DNAI1: variants seen among roughly 807,000 people sequenced by gnomAD.
DNAI1 encodes the protein dynein axonemal intermediate chain 1.
A neutral mutation model predicts 92.0 loss-of-function variants in DNAI1; 67 were observed. The ratio of observed to expected loss-of-function variants is 0.73; its 90% CI spans 0.60 to 0.89. The LOEUF (loss-of-function observed/expected upper bound fraction) is 0.89, where lower values mean the gene tolerates loss of function less well. DNAI1 is among the 40% of genes least tolerant of loss of function. The pLI, the probability that DNAI1 is intolerant of heterozygous loss-of-function variation, is 0.00. For synonymous variants in DNAI1, 323 were observed against 319.6 expected, an observed-to-expected ratio of 1.01 and a Z score of -0.11; for missense variants, 839 against 866.6, an observed-to-expected ratio of 0.97 and a Z score of 0.40.
Position 34,512,829 on chromosome 9 carries a change from C to G in DNAI1, c.1490-283C>G, listed in dbSNP as rs529839619. 4.4e-4 allele frequency among the ~76,000 whole-genome samples: 67 copies of G among 152,358 alleles called. 2 individuals are homozygous for G. In the South Asian group the frequency reaches 0.014, roughly 31 times the overall value. ...CTGTCCCTGTTTACCCTGACCCTGA[C>G]CCTGTTTAACTCAATCCCTGCCTTG... On this transcript the variant is annotated intron_variant, in intron 15 of 19. Transcript: ENST00000242317.
rs1195061821 is a variant in DNAI1, at chr9:34,517,310, A to G, written c.1844A>G (p.Asn615Ser). The G allele has an allele frequency of 2.5e-6, 4 of 1,614,020 alleles. No homozygotes were observed. In the South Asian group the frequency reaches 4.4e-5, roughly 18 times the overall value. ...GKAHIFDLAI[N>S]KYEAICNQPV... is the part of the protein sequence containing the mutation. ...GCCCACATATTTGACTTAGCCATCA[A>G]CAAGTATGAGGCCATCTGCAACCAG... Residue 615 changes from asparagine to serine, a missense_variant, in exon 19 of 20, where the codon AAC (asparagine) becomes AGC (serine). Physicochemically the swap from Asn to Ser is conservative, Grantham distance 46. Transcript: ENST00000242317.
At chr9:34,468,930 A>T (rs1824089941) in intron 1 of DNAI1, among the ~76,000 whole-genome samples, 2 of 152,094 alleles carry the variant, frequency 1.3e-5, no homozygotes. Context: ...GCTATGGAAT[A>T]TATTATATAT....
intron 8 of DNAI1, among the ~76,000 whole-genome samples, chr9:34,492,521 T>TAG (rs1824629130): frequency 1.7e-5 from 2 of 121,026 alleles, no homozygotes; most frequent in African/African-American, 5.9e-5. Flanking sequence ...TATATATATA[T>TAG]ATATATATAT....
intron 1 of DNAI1, among the ~76,000 whole-genome samples, chr9:34,459,585 A>G (rs1823904812): frequency 6.6e-6 from 1 of 152,140 alleles, no homozygotes; most frequent in Admixed American, 6.5e-5. Flanking sequence ...AGCTGGAACC[A>G]AAGGCATAGG....
intron 2 of DNAI1, 43 bp downstream of exon 2, chr9:34,483,523 A>G (rs1824415480): frequency 6.3e-7 from 1 of 1,581,370 alleles, no homozygotes; most frequent in African/African-American, 1.3e-5. Context: ...AGATGCTAAT[A>G]GTGTTTTTTT....
intron 18 of DNAI1, 38 bp from the exon 19 acceptor site, chr9:34,517,247 C>T (rs1175252721): frequency 7.5e-6 from 12 of 1,607,142 alleles, no homozygotes; most frequent in Middle Eastern, 3.4e-4. Flanking sequence ...AGACAGGCCT[C>T]ATTACCCCTG....
chr9:34,489,064 C>T, intron 4 of DNAI1: 1 of 413,608 alleles, frequency 2.4e-6, no homozygotes, highest in Non-Finnish European at 4.5e-6. Context: ...TCTGGAGCCA[C>T]TTGAGGTTGG....
chr9:34,472,276 A>T (rs1013425895), intron 1 of DNAI1, among the ~76,000 whole-genome samples: 30 of 152,256 alleles, frequency 2.0e-4, no homozygotes, highest in Admixed American at 1.2e-3. Context: ...CCCCTTACAG[A>T]TGCAGAAATG....
chr9:34,485,472 C>G lies in DNAI1; in HGVS notation c.216C>G (p.Ala72=). The G allele has an allele frequency of 6.2e-7, 1 of 1,614,116 alleles. No individual in the cohort carries two copies. The highest frequency in any genetic ancestry group is 8.5e-7 in the Non-Finnish European group (1 of 1,180,034). The change falls in exon 4 of 20, where the codon GCC becomes GCG. Residue 72 remains alanine (A), a synonymous_variant. Transcript: ENST00000242317. The stretch of plus-strand genomic sequence containing the variant: ...AGGAGTTCACTCGGATTTTGACAGC[C>G]AACAACCCACACGCACCCCAGAACA... ...LKEEFTRILT[A]NNPHAPQNIV... is the part of the protein sequence containing the mutation.
At chr9:34,471,271 A>T (rs1386095252) in intron 1 of DNAI1, among the ~76,000 whole-genome samples, 1 of 151,580 alleles carries the variant, frequency 6.6e-6, no homozygotes, top group Non-Finnish European at 1.5e-5. Context: ...TACCAAAAAA[A>T]AAAATTAGCT....
chr9:34,502,237 C>T (rs1015248601), intron 12 of DNAI1, among the ~76,000 whole-genome samples: 1 of 152,164 alleles, frequency 6.6e-6, no homozygotes, highest in Admixed American at 6.5e-5. Flanking sequence ...TGGTCTGGGC[C>T]GCCTTTGAGG....
intron 9 of DNAI1, among the ~76,000 whole-genome samples, chr9:34,496,591 T>C (rs1316137728): frequency 2.0e-5 from 3 of 152,208 alleles, no homozygotes; most frequent in African/African-American, 7.2e-5. Context: ...TTCTGCCTTG[T>C]ACTCCATGTA....
rs1400236913 is a variant in DNAI1, at chr9:34,490,385, C to T, written c.518C>T (p.Thr173Ile). The T allele has an allele frequency of 1.2e-6, 2 of 1,614,014 alleles. No individual in the cohort carries two copies. The highest frequency in any genetic ancestry group is 2.7e-5 in the African/African-American group (2 of 74,896). ...VPAAGAAEKV[T>I]EEELMTPKQP... ...TATTTTCAGGCAGCTGAAAAAGTGA[C>T]TGAAGAAGAATTGATGACTCCTAAG... Residue 173 changes from threonine to isoleucine, a missense_variant, in exon 7 of 20, where the codon ACT becomes ATT. Physicochemically the swap from Thr to Ile is moderately conservative, Grantham distance 89 (BLOSUM62 -1). Coordinates refer to ENST00000242317, the MANE Select transcript of DNAI1 (RefSeq NM_012144.4).
intron 16 of DNAI1, 31 bp downstream of exon 16, chr9:34,513,222 G>A: frequency 6.3e-7 from 1 of 1,577,794 alleles, no homozygotes. Flanking sequence ...CTCCTTAGAA[G>A]GCCGCTTAGA....
chr9:34,517,574 AC>A, intron 19 of DNAI1, 107 bp downstream of exon 19: 1 of 1,316,984 alleles, frequency 7.6e-7, no homozygotes, highest in Non-Finnish European at 1.1e-6. Context: ...GATGTGGGAG[AC>A]CCAGGGTAAG....
rs1050205126 is a variant in DNAI1 at position 34,464,006 on chromosome 9, T to A, written c.48+4953T>A. The stretch of plus-strand genomic sequence containing the variant: ...GATAGCTTCACTCCTGTGACCTCAG[T>A]GTCATTCTTACACATATATTCCTTA... On this transcript the variant is annotated intron_variant, in intron 1 of 19. Coordinates refer to ENST00000242317, the MANE Select transcript of DNAI1 (RefSeq NM_012144.4). 2.0e-5 allele frequency among the ~76,000 whole-genome samples: 3 copies of A among 152,194 alleles called. No homozygotes were observed. The East Asian group carries it at 5.8e-4, about 29-fold the overall frequency.
intron 1 of DNAI1, among the ~76,000 whole-genome samples, chr9:34,483,228 A>C (rs1824407881): frequency 6.6e-6 from 1 of 152,196 alleles, no homozygotes; most frequent in South Asian, 2.1e-4. Context: ...GGGCTCCCAC[A>C]GTGCAGTGGG....
intron 1 of DNAI1, among the ~76,000 whole-genome samples, chr9:34,464,451 C>T (rs1457853670): frequency 2.6e-5 from 4 of 152,108 alleles, no homozygotes; most frequent in African/African-American, 9.7e-5. Flanking sequence ...ATGCTTTTCA[C>T]ACCCTCCCTC....
chr9:34,509,329 CACGTCAT>C (rs1825019015), intron 13 of DNAI1, among the ~76,000 whole-genome samples: 1 of 152,112 alleles, frequency 6.6e-6, no homozygotes, highest in Non-Finnish European at 1.5e-5. Context: ...TGGGAAGTGA[CACGTCAT>C]TTGAAGCACC....
Sources: allele counts gnomAD v4.1 joint callset (sites outside exome capture counted in the v4.1 genomes callset), GRCh38; gene constraint gnomAD v4.1.1; transcripts MANE v1.5; gene names NCBI Gene and HGNC (gene_info 2026-07-23, HGNC 2026-07-21).